The following ACCSL variants were observed in gnomAD, a reference collection of about 807,000 sequenced individuals.
ACCSL encodes the protein 1-aminocyclopropane-1-carboxylate synthase homolog (inactive) like.
A neutral mutation model predicts 61.7 loss-of-function variants in ACCSL; 55 were observed. The ratio of observed to expected loss-of-function variants is 0.89; its 90% CI spans 0.72 to 1.12. The LOEUF (loss-of-function observed/expected upper bound fraction) is 1.12. Ranked by LOEUF, ACCSL falls within the 50% of genes most tolerant of loss-of-function variation. ACCSL has a pLI of 0.00. For synonymous variants in ACCSL, 258 were observed against 264.3 expected (o/e 0.98, Z 0.23); for missense variants, 632 against 698.0 (o/e 0.91, Z 1.07).
chr11:43,938,727 C>T, the ACCSL span, among the ~76,000 whole-genome samples: 4 of 152,182 alleles, frequency 2.6e-5, no homozygotes, highest in South Asian at 2.1e-4. Context: ...TGCTTAAACC[C>T]GGGAGGCAGA....
upstream of ACCSL, chr11:44,047,971 T>C (rs1187352614): frequency 2.3e-5 from 36 of 1,546,284 alleles, no homozygotes; most frequent in South Asian, 2.8e-4. Context: ...CTTTGCTCCA[T>C]TGTCAATGGT....
intron 5 of ACCSL, 133 bp downstream of exon 5, chr11:44,051,852 C>G: frequency 4.1e-6 from 4 of 980,294 alleles, no homozygotes; most frequent in Non-Finnish European, 6.3e-6. Flanking sequence ...GGCCTTCTCC[C>G]ACACTGACTA....
the ACCSL span, among the ~76,000 whole-genome samples, chr11:43,989,662 G>C: frequency 1.3e-5 from 2 of 152,228 alleles, no homozygotes; most frequent in African/African-American, 2.4e-5. Context: ...TGGAGATCAG[G>C]CTTTCACAGG....
At position 44,048,425 on chromosome 11, in the gene ACCSL, T is replaced by C; in HGVS notation, c.389T>C (p.Phe130Ser). Residue 130 changes from phenylalanine to serine, a missense_variant, in exon 1 of 14, where the codon TTT (phenylalanine) becomes TCT (serine). Phe to Ser is a radical substitution (Grantham distance 155). Coordinates refer to ENST00000378832, the MANE Select transcript of ACCSL (RefSeq NM_001031854.2). ...VPQLSDCEAAFVNRDLSIRGI... is the reference protein window; with the variant it reads ...VPQLSDCEAASVNRDLSIRGI... Reference sequence around the variant, plus strand: ...CAACTGAGTGATTGTGAAGCTGCCTTTGTCAACCGCGACCTATCCATCCGT... The same window carrying C: ...CAACTGAGTGATTGTGAAGCTGCCTCTGTCAACCGCGACCTATCCATCCGT... The C allele has an allele frequency of 6.2e-7, 1 of 1,613,964 alleles. No individual in the cohort carries two copies. Among genetic ancestry groups the C allele is most frequent in the Non-Finnish European group, 8.5e-7 (1 of 1,179,990 alleles).
At chr11:43,968,603 AG>A in the ACCSL span, among the ~76,000 whole-genome samples, 2 of 152,136 alleles carry the variant, frequency 1.3e-5, 1 homozygote, top group Non-Finnish European at 2.9e-5. Context: ...CTAAAACTTC[AG>A]CTTGAGATGT....
upstream of ACCSL, chr11:44,047,955 A>G: frequency 1.3e-6 from 2 of 1,508,602 alleles, no homozygotes; most frequent in African/African-American, 1.4e-5. Context: ...GGTCCAGGAG[A>G]TCCTCCTTTG....
At chr11:44,039,381 T>C in the ACCSL span, among the ~76,000 whole-genome samples, 1 of 152,212 alleles carries the variant, frequency 6.6e-6, no homozygotes, top group East Asian at 1.9e-4. Flanking sequence ...GAGACTGTTA[T>C]TCTAAGTGAA....
intron 11 of ACCSL, among the ~76,000 whole-genome samples, chr11:44,058,116 T>C (rs61625214): frequency 0.093 from 14,204 of 152,210 alleles, 1,059 homozygotes; most frequent in African/African-American, 0.21. Context: ...GAGATTGCAG[T>C]GTGCCGAGAT....
the ACCSL span, among the ~76,000 whole-genome samples, chr11:44,037,431 G>A: frequency 2.0e-5 from 3 of 152,220 alleles, no homozygotes; most frequent in African/African-American, 4.8e-5. Flanking sequence ...ACGCACGCGC[G>A]GATGGCGCAC....
At chr11:44,002,338 C>G in the ACCSL span, among the ~76,000 whole-genome samples, 1 of 152,132 alleles carries the variant, frequency 6.6e-6, no homozygotes, top group Non-Finnish European at 1.5e-5. Flanking sequence ...CCTACCTGCA[C>G]CCGGGTGGGG....
the ACCSL span, chr11:43,933,362 A>C: frequency 5.8e-6 from 2 of 342,430 alleles, no homozygotes; most frequent in Admixed American, 7.4e-5. Flanking sequence ...AGCCAGGCTC[A>C]AGGTAAAGTC....
the ACCSL span, among the ~76,000 whole-genome samples, chr11:44,026,080 A>C: frequency 6.6e-6 from 1 of 152,134 alleles, no homozygotes; most frequent in South Asian, 2.1e-4. Context: ...TAATATTTTC[A>C]TCAAATTTGT....
At chr11:44,000,849 G>T in the ACCSL span, among the ~76,000 whole-genome samples, 3 of 152,300 alleles carry the variant, frequency 2.0e-5, no homozygotes, top group African/African-American at 7.2e-5. Context: ...GAGCATCAAT[G>T]AATTTTGGTA....
chr11:44,014,096 G>A, the ACCSL span, among the ~76,000 whole-genome samples: 1 of 152,270 alleles, frequency 6.6e-6, no homozygotes, highest in African/African-American at 2.4e-5. Flanking sequence ...GCTGCCAGCA[G>A]TGGGGTTGGG....
At chr11:43,997,708 C>A in the ACCSL span, among the ~76,000 whole-genome samples, 1 of 152,210 alleles carries the variant, frequency 6.6e-6, no homozygotes, top group Non-Finnish European at 1.5e-5. Context: ...AGGTTTTTGG[C>A]TGCAAGTATT....
At chr11:43,997,008 G>A in the ACCSL span, among the ~76,000 whole-genome samples, 3 of 151,662 alleles carry the variant, frequency 2.0e-5, no homozygotes, top group Non-Finnish European at 2.9e-5. Flanking sequence ...AGACAGTTTC[G>A]CCATGTTGGC....
At chr11:44,052,839 T>G (rs1952648201) in intron 6 of ACCSL, 80 bp downstream of exon 6, 2 of 1,491,298 alleles carry the variant, frequency 1.3e-6, no homozygotes, top group Non-Finnish European at 1.9e-6. Flanking sequence ...TAGAGGGGCT[T>G]GCTTTCTACC....
At chr11:43,951,397 C>T in the ACCSL span, among the ~76,000 whole-genome samples, 3 of 152,178 alleles carry the variant, frequency 2.0e-5, no homozygotes, top group Non-Finnish European at 4.4e-5. Flanking sequence ...TTTAGAATAG[C>T]CCCAAGGTAG....
intron 5 of ACCSL, 105 bp downstream of exon 5, chr11:44,051,824 C>CT: frequency 7.2e-7 from 1 of 1,382,908 alleles, no homozygotes; most frequent in Non-Finnish European, 1.0e-6. Flanking sequence ...GACTCAAGGC[C>CT]TTTTCCCCAA....
Sources: gnomAD v4.1 joint callset for allele counts (sites outside exome capture counted in the v4.1 genomes callset) on GRCh38, gnomAD v4.1.1 for gene constraint, MANE v1.5 for transcripts, NCBI Gene and HGNC (gene_info 2026-07-23, HGNC 2026-07-21) for gene names.